DACH1: variants seen among roughly 807,000 people sequenced by gnomAD.
The protein encoded by DACH1 is dachshund family transcription factor 1.
DACH1 carries 12 observed loss-of-function variants against 54.2 expected under a neutral mutation model. That is an observed-to-expected ratio of 0.22 (90% CI 0.14 to 0.36). The LOEUF is 0.36. Among genes scored for constraint, DACH1 ranks in the 10% least tolerant of loss-of-function variants. The probability of loss-of-function intolerance (pLI) is 1.00; values close to 1 mark genes in which losing one functional copy is unlikely to be tolerated. For synonymous variants in DACH1, 386 were observed against 366.2 expected, an observed-to-expected ratio of 1.05 and a Z score of -0.62; for missense variants, 805 against 929.8, an observed-to-expected ratio of 0.87 and a Z score of 1.75.
chr13:71,445,835 A>G (rs773228140), intron 10 of DACH1, among the ~76,000 whole-genome samples: 1 of 152,324 alleles, frequency 6.6e-6, no homozygotes. Context: ...GGAACTAACA[A>G]CAGGCTTCTG....
chr13:71,604,132 T>C (rs1874711888), intron 3 of DACH1, among the ~76,000 whole-genome samples: 1 of 151,958 alleles, frequency 6.6e-6, no homozygotes, highest in Admixed American at 6.6e-5. Context: ...TAATGAATAA[T>C]AAAATGCAAT....
At chr13:71,769,328 C>T (rs1449078924) in intron 1 of DACH1, among the ~76,000 whole-genome samples, 1 of 151,548 alleles carries the variant, frequency 6.6e-6, no homozygotes, top group African/African-American at 2.4e-5. Flanking sequence ...TAACAAAGTG[C>T]CAAAAATAGA....
At chr13:71,675,330 T>A in intron 2 of DACH1, 1 of 1,591,914 alleles carries the variant, frequency 6.3e-7, no homozygotes, top group Non-Finnish European at 8.6e-7. Context: ...AGAGCGCAGC[T>A]ATCGGTGCTT....
At chr13:71,731,089 G>C (rs916946607) in intron 1 of DACH1, among the ~76,000 whole-genome samples, 2 of 151,920 alleles carry the variant, frequency 1.3e-5, no homozygotes, top group Non-Finnish European at 2.9e-5. Context: ...ATAATCTGAA[G>C]TGTCTAAAGT....
At chr13:71,485,269 G>GA (rs1593768647) in intron 7 of DACH1, among the ~76,000 whole-genome samples, 2 of 151,094 alleles carry the variant, frequency 1.3e-5, no homozygotes, top group East Asian at 1.9e-4. Flanking sequence ...ATGCCATATA[G>GA]AAAAAATAAA....
chr13:71,832,881 A>G (rs1046807912), intron 1 of DACH1, among the ~76,000 whole-genome samples: 6 of 151,984 alleles, frequency 3.9e-5, no homozygotes, highest in African/African-American at 1.4e-4. Flanking sequence ...AACTCCTACT[A>G]TTCTAAAAAG....
intron 3 of DACH1, among the ~76,000 whole-genome samples, chr13:71,618,019 C>T (rs1875914031): frequency 6.6e-6 from 1 of 152,282 alleles, no homozygotes; most frequent in Non-Finnish European, 1.5e-5. Context: ...TTCACACCTA[C>T]AGTCAACCGT....
intron 1 of DACH1, among the ~76,000 whole-genome samples, chr13:71,792,932 T>C (rs1357061456): frequency 2.0e-5 from 3 of 152,156 alleles, no homozygotes; most frequent in Non-Finnish European, 4.4e-5. Context: ...AGTGGACTAA[T>C]ATGAGAGCTG....
chr13:71,863,180 A>C lies in DACH1; in HGVS notation c.848+2742T>G, dbSNP rs573542734. 2.0e-5 allele frequency among the ~76,000 whole-genome samples: 3 copies of C among 152,292 alleles called. No individual in the cohort carries two copies. In the South Asian group the frequency reaches 6.2e-4, roughly 32 times the overall value. The stretch of plus-strand genomic sequence containing the variant: ...TCAAAGCTTTCAAAGGTAAGAAATA[A>C]GACAATAATGCTTATAATAATCATT... On this transcript the variant is annotated intron_variant, in intron 1 of 10. Transcript: ENST00000613252.
Position 71,708,852 on chromosome 13 carries a change from G to GTTTT in DACH1, c.849-26946_849-26943dup, listed in dbSNP as rs11322352. The stretch of plus-strand genomic sequence containing the variant: ...TCTCAGGGTTTCCAAGTTTTTTGTT[G>GTTTT]TTTTTTTTTTTTTTTTTTGAGACGG... On this transcript the variant is annotated intron_variant, in intron 1 of 10. Transcript: ENST00000613252. 6.0e-4 allele frequency among the ~76,000 whole-genome samples: 72 copies of GTTTT among 120,362 alleles called. 1 individual carries two copies. The highest frequency in any genetic ancestry group is 9.8e-4 in the Non-Finnish European group (61 of 62,498). 79.0% of individuals were successfully genotyped at this position (120,362 alleles called of 152,430 possible). A position where few individuals can be genotyped will look rare whatever the true frequency, so the allele number is the denominator to read the frequency against.
At chr13:71,834,618 C>T (rs1238588552) in intron 1 of DACH1, among the ~76,000 whole-genome samples, 1 of 152,130 alleles carries the variant, frequency 6.6e-6, no homozygotes, top group Non-Finnish European at 1.5e-5. Flanking sequence ...GTTGCCTCGC[C>T]GCACCCCGCT....
At chr13:71,721,218 A>G (rs1444584548) in intron 1 of DACH1, among the ~76,000 whole-genome samples, 1 of 152,132 alleles carries the variant, frequency 6.6e-6, no homozygotes, top group Non-Finnish European at 1.5e-5. Flanking sequence ...AAATTTTTTC[A>G]TTGTTTTCTC....
At chr13:71,496,351 G>GTA (rs1305514781) in intron 6 of DACH1, among the ~76,000 whole-genome samples, 13 of 138,882 alleles carry the variant, frequency 9.4e-5, no homozygotes, top group South Asian at 2.3e-4. Context: ...TTGTGTATGT[G>GTA]TATATATATA....
Position 71,735,531 on chromosome 13 carries a change from C to CGTATATGGGATATACGT in DACH1, c.849-53638_849-53622dup, listed in dbSNP as rs1294203908. ...GATATACGTGTATATGGGATATACA[C>CGTATATGGGATATACGT]GTATATGGGATATACGTGTATATGG... On this transcript the variant is annotated intron_variant, in intron 1 of 10. Transcript: ENST00000613252. 3.3e-4 allele frequency among the ~76,000 whole-genome samples: 16 copies of CGTATATGGGATATACGT among 47,798 alleles called. 1 individual carries two copies. Among genetic ancestry groups the CGTATATGGGATATACGT allele is most frequent in the African/African-American group, 7.6e-4 (12 of 15,872 alleles). The allele number at this position is 47,798 out of a possible 152,430, so 31.4% of individuals were successfully genotyped here. A position where few individuals can be genotyped will look rare whatever the true frequency, so the allele number is the denominator to read the frequency against.
At chr13:71,802,345 G>T (rs776004353) in intron 1 of DACH1, among the ~76,000 whole-genome samples, 1 of 152,098 alleles carries the variant, frequency 6.6e-6, no homozygotes, top group African/African-American at 2.4e-5. Flanking sequence ...GGCTAACTGG[G>T]TTTGTGAATC....
At chr13:71,564,413 C>G (rs774161807) in intron 4 of DACH1, among the ~76,000 whole-genome samples, 1 of 151,158 alleles carries the variant, frequency 6.6e-6, no homozygotes, top group Non-Finnish European at 1.5e-5. Flanking sequence ...TTGCAATGTT[C>G]CATCTTTATA....
chr13:71,839,268 G>A (rs1369573705), intron 1 of DACH1, among the ~76,000 whole-genome samples: 1 of 152,088 alleles, frequency 6.6e-6, no homozygotes, highest in Non-Finnish European at 1.5e-5. Context: ...TTATTAAAAT[G>A]TCAGTTCATA....
At chr13:71,527,572 A>G (rs564814386) in intron 6 of DACH1, among the ~76,000 whole-genome samples, 2 of 152,300 alleles carry the variant, frequency 1.3e-5, no homozygotes, top group South Asian at 2.1e-4. Context: ...TTTCTTCCGT[A>G]TCGGTCCTTC....
intron 6 of DACH1, among the ~76,000 whole-genome samples, chr13:71,510,482 T>C (rs1037265555): frequency 6.6e-6 from 1 of 152,004 alleles, no homozygotes; most frequent in Non-Finnish European, 1.5e-5. Flanking sequence ...TCCCATTCTA[T>C]TCCCCTCCTT....
Sources: gnomAD v4.1 joint callset for allele counts (sites outside exome capture counted in the v4.1 genomes callset) on GRCh38, gnomAD v4.1.1 for gene constraint, MANE v1.5 for transcripts, NCBI Gene and HGNC (gene_info 2026-07-23, HGNC 2026-07-21) for gene names.